PLEKHG1: variants seen among roughly 807,000 people sequenced by gnomAD.
PLEKHG1 encodes the protein pleckstrin homology and RhoGEF domain containing G1, also known as pleckstrin homology domain-containing family G member 1.
Under a neutral mutation model 100.8 loss-of-function variants are expected in PLEKHG1, and 44 were observed. The ratio of observed to expected loss-of-function variants is 0.44; its 90% CI spans 0.34 to 0.56. The LOEUF is 0.56. Among genes scored for constraint, PLEKHG1 ranks in the 20% least tolerant of loss-of-function variants. PLEKHG1 has a pLI of 0.01. For missense variants in PLEKHG1, 1,545 were observed against 1,720.9 expected (o/e 0.90, Z 1.81); for synonymous variants, 640 against 662.5 (o/e 0.97, Z 0.52).
At chr6:150,824,016 A>G (rs1184921129) in intron 14 of PLEKHG1, among the ~76,000 whole-genome samples, 2 of 152,098 alleles carry the variant, frequency 1.3e-5, no homozygotes, top group African/African-American at 4.8e-5. Flanking sequence ...CTTTGCCACC[A>G]CCAGTGTAAG....
At chr6:150,829,166 T>C (rs918076147) in intron 14 of PLEKHG1, among the ~76,000 whole-genome samples, 11 of 152,240 alleles carry the variant, frequency 7.2e-5, no homozygotes, top group Non-Finnish European at 1.5e-4. Context: ...AATATATGTC[T>C]CTGGTACTAA....
intron 1 of PLEKHG1, chr6:150,633,067 G>C (rs1777828095): frequency 6.6e-6 from 1 of 152,196 alleles, no homozygotes; most frequent in Non-Finnish European, 1.5e-5. Flanking sequence ...CTTTACGTCT[G>C]GGAGCAACCA....
intron 1 of PLEKHG1, among the ~76,000 whole-genome samples, chr6:150,616,520 T>C (rs1562385338): frequency 6.6e-6 from 1 of 152,234 alleles, no homozygotes; most frequent in Non-Finnish European, 1.5e-5. Flanking sequence ...TTGAGGTGTC[T>C]TCTCTAGAGA....
chr6:150,624,804 C>T (rs992708879), intron 1 of PLEKHG1: 31 of 152,062 alleles, frequency 2.0e-4, no homozygotes, highest in African/African-American at 6.3e-4. Flanking sequence ...GCACCTTGTA[C>T]GAATTTCATA....
At chr6:150,786,102 G>T (rs1408811749) in intron 3 of PLEKHG1, among the ~76,000 whole-genome samples, 1 of 151,782 alleles carries the variant, frequency 6.6e-6, no homozygotes, top group Non-Finnish European at 1.5e-5. Flanking sequence ...ATGAGCATGG[G>T]TGAGCATTCA....
chr6:150,711,988 A>G (rs1781257250), intron 3 of PLEKHG1, among the ~76,000 whole-genome samples: 1 of 152,188 alleles, frequency 6.6e-6, no homozygotes, highest in African/African-American at 2.4e-5. Flanking sequence ...TTTTAGACCA[A>G]TGATTCTGGA....
intron 4 of PLEKHG1, among the ~76,000 whole-genome samples, chr6:150,793,945 G>A (rs1168998804): frequency 1.3e-5 from 2 of 152,124 alleles, no homozygotes; most frequent in East Asian, 1.9e-4. Context: ...AGCCAGGCAT[G>A]GTGACGCATG....
At chr6:150,604,809 A>G (rs1483542546) in intron 1 of PLEKHG1, among the ~76,000 whole-genome samples, 1 of 152,190 alleles carries the variant, frequency 6.6e-6, no homozygotes, top group Non-Finnish European at 1.5e-5. Flanking sequence ...TGGGGGAGAG[A>G]AGTTGGACTG....
At chr6:150,711,102 T>C (rs999810288) in intron 3 of PLEKHG1, among the ~76,000 whole-genome samples, 2 of 152,148 alleles carry the variant, frequency 1.3e-5, no homozygotes, top group East Asian at 1.9e-4. Flanking sequence ...TCTCCAAAAA[T>C]GATGTCTTTT....
At chr6:150,724,268 T>G (rs2128611513) in intron 1 of PLEKHG1, among the ~76,000 whole-genome samples, 1 of 152,342 alleles carries the variant, frequency 6.6e-6, no homozygotes, top group African/African-American at 2.4e-5. Context: ...ATATATCGTT[T>G]CTACTGGTGA....
rs540969195 is a variant in PLEKHG1 at position 150,621,444 on chromosome 6, G to A, written c.-203-16636G>A. Among the ~76,000 whole-genome samples, 8 of 150,254 alleles carry A rather than the reference G, an allele frequency of 5.3e-5. No homozygotes were observed. The South Asian group carries it at 1.5e-3, about 28-fold the overall frequency. On this transcript the variant is annotated intron_variant, in intron 1 of 3. Transcript: ENST00000367326. Reference sequence around the variant, plus strand: ...GGCTGGAATACAGTGGCACAATCTCGGCTCACTGCAACCTCCACCTCCTGG... The same window carrying A: ...GGCTGGAATACAGTGGCACAATCTCAGCTCACTGCAACCTCCACCTCCTGG...
chr6:150,744,947 G>A (rs985647080), intron 2 of PLEKHG1, among the ~76,000 whole-genome samples: 5 of 152,188 alleles, frequency 3.3e-5, no homozygotes, highest in African/African-American at 1.2e-4. Flanking sequence ...CATATCAAAT[G>A]TCTAAGACCC....
chr6:150,636,579 G>A (rs894684524), intron 1 of PLEKHG1, among the ~76,000 whole-genome samples: 1 of 152,012 alleles, frequency 6.6e-6, no homozygotes, highest in African/African-American at 2.4e-5. Flanking sequence ...GGACAGGAGA[G>A]CAGACCTTCC....
chr6:150,746,344 G>A (rs1783161364), intron 2 of PLEKHG1, among the ~76,000 whole-genome samples: 2 of 152,204 alleles, frequency 1.3e-5, no homozygotes, highest in African/African-American at 4.8e-5. Context: ...AGAACTGACT[G>A]TACCTATTCT....
Position 150,735,016 on chromosome 6 carries a change from A to C in PLEKHG1, c.411+924A>C, listed in dbSNP as rs7761188. Among the ~76,000 whole-genome samples the C allele has an allele frequency of 9.8e-3, 941 of 96,272 alleles. 16 individuals are homozygous for C. Among genetic ancestry groups the C allele is most frequent in the African/African-American group, 0.037 (879 of 23,836 alleles). 63.2% of individuals were successfully genotyped at this position (96,272 alleles called of 152,430 possible). On this transcript the variant is annotated intron_variant, in intron 2 of 15. Transcript: ENST00000358517. The stretch of plus-strand genomic sequence containing the variant: ...TTTTTTTTTTTTTGAGACGGAGTTT[A>C]GCTCTTGTTTCCCAGGCTGGAGTGC...
At chr6:150,697,200 T>C (rs1780580234) in intron 3 of PLEKHG1, among the ~76,000 whole-genome samples, 1 of 152,188 alleles carries the variant, frequency 6.6e-6, no homozygotes, top group Non-Finnish European at 1.5e-5. Flanking sequence ...TATGTGATGA[T>C]TTGATTCTGA....
At chr6:150,769,774 CCTT>C (rs1272394027) in intron 3 of PLEKHG1, among the ~76,000 whole-genome samples, 1 of 152,022 alleles carries the variant, frequency 6.6e-6, no homozygotes, top group Non-Finnish European at 1.5e-5. Flanking sequence ...TTACTCAAAT[CCTT>C]CTTCTCGCTG....
At chr6:150,818,141 A>C (rs2128676562) in intron 10 of PLEKHG1, 42 bp from the exon 12 acceptor site, 5 of 1,552,514 alleles carry the variant, frequency 3.2e-6, no homozygotes, top group Non-Finnish European at 4.4e-6. Flanking sequence ...TTTAAAGAAA[A>C]AAAAAGCAAT....
intron 3 of PLEKHG1, among the ~76,000 whole-genome samples, chr6:150,655,439 T>C (rs1778924354): frequency 6.6e-6 from 1 of 152,126 alleles, no homozygotes; most frequent in Admixed American, 6.5e-5. Context: ...CCAGGTGCGG[T>C]GGCTCACGCC....
Sources: gnomAD v4.1 joint callset for allele counts (sites outside exome capture counted in the v4.1 genomes callset) on GRCh38, gnomAD v4.1.1 for gene constraint, MANE v1.5 for transcripts, NCBI Gene and HGNC (gene_info 2026-07-23, HGNC 2026-07-21) for gene names.